Variants in RICTOR observed in about 807,000 individuals in gnomAD.
The protein encoded by RICTOR is RPTOR independent companion of MTOR complex 2.
RICTOR carries 49 observed loss-of-function variants against 214.9 expected under a neutral mutation model. That is an observed-to-expected ratio of 0.23 (90% CI 0.18 to 0.29). RICTOR has a LOEUF of 0.29. Ranked by LOEUF, RICTOR falls within the 10% of genes least tolerant of loss-of-function variation. The pLI is 1.00. For missense variants in RICTOR, 1,625 were observed against 2,047.0 expected (o/e 0.79, Z 3.98); for synonymous variants, 717 against 711.3 (o/e 1.01, Z -0.13).
chr5:38,971,763 A>G (rs13165709), intron 11 of RICTOR, 114 bp downstream of exon 11: 250,807 of 623,342 alleles, frequency 0.4, 51,835 homozygotes, highest in East Asian at 0.5. Context: ...TAAAAATATG[A>G]TCTAGATTAA....
rs890076949 is a variant in RICTOR at position 39,054,063 on chromosome 5, C to T, written c.97+20048G>A. ...AGCCACTGCGCTCCAGCCTGGGCTA[C>T]GGTGTGAGACTCCGTCTCAAAAAAG... On this transcript the variant is annotated intron_variant, in intron 2 of 37. Transcript: ENST00000357387. 1.7e-4 allele frequency among the ~76,000 whole-genome samples: 26 copies of T among 151,866 alleles called. 1 individual carries two copies. The highest frequency in any genetic ancestry group is 1.6e-3 in the Admixed American group (25 of 15,254).
chr5:39,030,154 A>C (rs1256390443), intron 2 of RICTOR, among the ~76,000 whole-genome samples: 2 of 152,176 alleles, frequency 1.3e-5, no homozygotes, highest in African/African-American at 4.8e-5. Context: ...GAATTACCTG[A>C]AATCATTTAA....
chr5:39,069,239 A>G (rs895871960), intron 2 of RICTOR, among the ~76,000 whole-genome samples: 10 of 152,214 alleles, frequency 6.6e-5, no homozygotes, highest in Admixed American at 3.9e-4. Context: ...GAGTGAAGAC[A>G]AACTATTCTG....
chr5:38,994,416 TACTAAAAAAA>T (rs1753012311), intron 6 of RICTOR, among the ~76,000 whole-genome samples: 2 of 31,398 alleles, frequency 6.4e-5, no homozygotes, highest in East Asian at 1.1e-3. Flanking sequence ...GCCAAGGTTT[TACTAAAAAAA>T]AAAAAAAAAA....
chr5:38,963,154 T>C (rs894805703), intron 16 of RICTOR, 113 bp from the exon 17 acceptor site: 2 of 659,374 alleles, frequency 3.0e-6, no homozygotes, highest in East Asian at 5.6e-5. Context: ...TTATTATTGA[T>C]AAAGTAAATT....
At chr5:38,973,662 G>A (rs988485445) in intron 10 of RICTOR, among the ~76,000 whole-genome samples, 4 of 152,144 alleles carry the variant, frequency 2.6e-5, no homozygotes, top group South Asian at 2.1e-4. Context: ...AATTCAAATC[G>A]AAACATACTA....
intron 3 of RICTOR, among the ~76,000 whole-genome samples, chr5:39,015,139 A>G (rs776199144): frequency 3.3e-5 from 5 of 152,188 alleles, no homozygotes; most frequent in Non-Finnish European, 7.3e-5. Flanking sequence ...TTTAGTAGGC[A>G]TATCTATCAA....
At chr5:38,975,385 T>C in intron 10 of RICTOR, 152 bp downstream of exon 10, 4 of 613,384 alleles carry the variant, frequency 6.5e-6, no homozygotes, top group South Asian at 2.2e-5. Flanking sequence ...CATATTTTAA[T>C]AATTTTGTAC....
chr5:38,960,375 T>C lies in RICTOR; in HGVS notation c.1851+23A>G, dbSNP rs1168440334. 1.9e-6 allele frequency: 3 copies of C among 1,605,306 alleles called. No homozygotes were observed. In the African/African-American group the frequency reaches 4.0e-5, roughly 22 times the overall value. ...CAAATTCAATAAAAAACATTTGCTC[T>C]GGAAAATATTCAGAATGCCCACCTC... On this transcript the variant is annotated intron_variant, in intron 20 of 37. Coordinates refer to ENST00000357387, the MANE Select transcript of RICTOR (RefSeq NM_152756.5).
intron 2 of RICTOR, among the ~76,000 whole-genome samples, chr5:39,063,164 G>GA (rs1366287945): frequency 6.6e-6 from 1 of 152,026 alleles, no homozygotes; most frequent in African/African-American, 2.4e-5. Context: ...AACAATGGAA[G>GA]AAAAAAATTA....
intron 5 of RICTOR, among the ~76,000 whole-genome samples, chr5:38,999,297 A>G (rs902620580): frequency 6.6e-6 from 1 of 152,020 alleles, no homozygotes; most frequent in South Asian, 2.1e-4. Flanking sequence ...CAGAGAAAAA[A>G]AAAATCTTTA....
intron 2 of RICTOR, among the ~76,000 whole-genome samples, chr5:39,062,713 C>T (rs1313085319): frequency 6.6e-6 from 1 of 152,090 alleles, no homozygotes; most frequent in Non-Finnish European, 1.5e-5. Flanking sequence ...TTGTTTACAG[C>T]TTCTATGTCT....
intron 2 of RICTOR, among the ~76,000 whole-genome samples, chr5:39,021,391 G>A (rs13177882): frequency 0.38 from 57,162 of 151,864 alleles, 11,043 homozygotes; most frequent in East Asian, 0.47. Flanking sequence ...CTTAAATCTT[G>A]CTATTATTTG....
chr5:39,053,513 T>C (rs1313842647), intron 2 of RICTOR, among the ~76,000 whole-genome samples: 1 of 152,292 alleles, frequency 6.6e-6, no homozygotes, highest in East Asian at 1.9e-4. Context: ...ATAGCCTCTT[T>C]AAAAAATATT....
At chr5:39,034,812 G>T (rs1422629838) in intron 2 of RICTOR, among the ~76,000 whole-genome samples, 1 of 152,248 alleles carries the variant, frequency 6.6e-6, no homozygotes, top group African/African-American at 2.4e-5. Context: ...AAACAAAGCA[G>T]CCCAGAAGCT....
chr5:39,018,650 G>A (rs1052306720), intron 3 of RICTOR, among the ~76,000 whole-genome samples: 4 of 152,052 alleles, frequency 2.6e-5, no homozygotes, highest in African/African-American at 7.2e-5. Context: ...CATAAAGGAC[G>A]ATGAACTTAA....
Position 38,940,283 on chromosome 5 carries a change from A to G in RICTOR, c.*2021T>C, listed in dbSNP as rs767185557. ...TAAGACAAAAAAAAAATTACTGTTAACTTTTGAGGGATTAAACCACAGATT... is the reference window on the plus strand; with the variant it reads ...TAAGACAAAAAAAAAATTACTGTTAGCTTTTGAGGGATTAAACCACAGATT... On this transcript the variant is annotated 3_prime_UTR_variant, in exon 38 of 38. Coordinates refer to ENST00000357387, the MANE Select transcript of RICTOR (RefSeq NM_152756.5). 12 of 231,764 alleles carry G rather than the reference A, an allele frequency of 5.2e-5. No individual in the cohort carries two copies. Among genetic ancestry groups the G allele is most frequent in the Non-Finnish European group, 1.0e-4 (12 of 117,052 alleles). 14.4% of individuals were successfully genotyped at this position (231,764 alleles called of 1,614,324 possible). A position where few individuals can be genotyped will look rare whatever the true frequency, so the allele number is the denominator to read the frequency against.
intron 7 of RICTOR, among the ~76,000 whole-genome samples, chr5:38,990,523 T>TATATACAAGATATATAC (rs141086118): frequency 7.7e-6 from 1 of 129,800 alleles, no homozygotes; most frequent in Admixed American, 8.3e-5. Context: ...ACGATATATA[T>TATATACAAGATATATAC]ACGATATATA....
chr5:39,051,057 A>G (rs1757807070), intron 2 of RICTOR, among the ~76,000 whole-genome samples: 1 of 124,826 alleles, frequency 8.0e-6, no homozygotes, highest in South Asian at 2.8e-4. Context: ...ACACACACAC[A>G]CACACACGCA....
Sources: gnomAD v4.1 joint callset for allele counts (sites outside exome capture counted in the v4.1 genomes callset) on GRCh38, gnomAD v4.1.1 for gene constraint, MANE v1.5 for transcripts, NCBI Gene and HGNC (gene_info 2026-07-23, HGNC 2026-07-21) for gene names.